The following NELL2 variants were observed in gnomAD, a reference collection of about 807,000 sequenced individuals.
NELL2 encodes neural EGFL like 2.
NELL2 carries 41 observed loss-of-function variants against 109.6 expected under a neutral mutation model. The ratio of observed to expected loss-of-function variants is 0.37; its 90% CI spans 0.29 to 0.49. The LOEUF (loss-of-function observed/expected upper bound fraction) is 0.49, where lower values mean the gene tolerates loss of function less well. Among genes scored for constraint, NELL2 ranks in the 20% least tolerant of loss-of-function variants. The pLI, the probability that NELL2 is intolerant of heterozygous loss-of-function variation, is 0.98. For synonymous variants in NELL2, 355 were observed against 344.7 expected, an observed-to-expected ratio of 1.03 and a Z score of -0.33; for missense variants, 900 against 1,008.3, an observed-to-expected ratio of 0.89 and a Z score of 1.45.
rs564428851 is a variant in NELL2 at position 44,797,987 on chromosome 12, T to A, written c.336-17965A>T. ...TTCCATCCTAGATGGAATAAAATCA[T>A]TCCATCCTAGATGGAATGATGGAAT... On this transcript the variant is annotated intron_variant, in intron 3 of 19. Coordinates refer to ENST00000429094, the MANE Select transcript of NELL2 (RefSeq NM_001145108.2). Among the ~76,000 whole-genome samples, 19 of 60,592 alleles carry A rather than the reference T, an allele frequency of 3.1e-4. 2 individuals carry two copies. The highest frequency in any genetic ancestry group is 7.2e-4 in the African/African-American group (18 of 24,964). The allele number at this position is 60,592 out of a possible 152,430, so 39.8% of individuals were successfully genotyped here.
At chr12:44,872,916 A>C (rs1262079956) in intron 2 of NELL2, among the ~76,000 whole-genome samples, 2 of 152,192 alleles carry the variant, frequency 1.3e-5, no homozygotes, top group Non-Finnish European at 2.9e-5. Context: ...TCTAAAGCCA[A>C]AGGAAATCTC....
intron 15 of NELL2, among the ~76,000 whole-genome samples, chr12:44,602,115 T>C (rs1413998229): frequency 6.6e-6 from 1 of 152,216 alleles, no homozygotes; most frequent in African/African-American, 2.4e-5. Flanking sequence ...TATTTGTTCA[T>C]TTTATAACAG....
chr12:44,865,363 C>T (rs1226644959), intron 2 of NELL2, among the ~76,000 whole-genome samples: 5 of 143,810 alleles, frequency 3.5e-5, no homozygotes, highest in Admixed American at 7.1e-5. Flanking sequence ...CACATGCACA[C>T]GTATGTTTAT....
chr12:44,864,751 C>G (rs967050542), intron 2 of NELL2, among the ~76,000 whole-genome samples: 2 of 152,192 alleles, frequency 1.3e-5, no homozygotes, highest in African/African-American at 4.8e-5. Context: ...TTTCATCCAA[C>G]AGCAGCAGCA....
chr12:44,724,554 T>C (rs999452989), intron 9 of NELL2, among the ~76,000 whole-genome samples: 1 of 151,648 alleles, frequency 6.6e-6, no homozygotes, highest in Non-Finnish European at 1.5e-5. Context: ...CCCAGGAAAG[T>C]GAAAGACCTC....
intron 19 of NELL2, among the ~76,000 whole-genome samples, chr12:44,513,191 A>T (rs939428024): frequency 2.0e-5 from 3 of 151,950 alleles, no homozygotes; most frequent in African/African-American, 4.8e-5. Flanking sequence ...AGATTAAGAG[A>T]TTCATGCTAA....
At chr12:44,692,810 G>A (rs2136398518) in intron 12 of NELL2, among the ~76,000 whole-genome samples, 1 of 152,246 alleles carries the variant, frequency 6.6e-6, no homozygotes, top group East Asian at 1.9e-4. Flanking sequence ...AGATGTGACT[G>A]AATTGCTGCA....
intron 15 of NELL2, 133 bp downstream of exon 15, chr12:44,607,036 C>T: frequency 1.5e-6 from 1 of 685,064 alleles, no homozygotes; most frequent in South Asian, 2.7e-5. Context: ...CACCTCCTCC[C>T]TCCTATCACT....
chr12:44,736,305 G>A (rs368487084), intron 9 of NELL2, among the ~76,000 whole-genome samples: 6 of 151,880 alleles, frequency 4.0e-5, no homozygotes, highest in South Asian at 2.1e-4. Flanking sequence ...CACCGCGCCC[G>A]GCCTTCTTTA....
chr12:44,655,198 G>A (rs1234588722), intron 13 of NELL2, among the ~76,000 whole-genome samples: 2 of 152,144 alleles, frequency 1.3e-5, no homozygotes, highest in African/African-American at 4.8e-5. Context: ...CTAATGAGGC[G>A]GCTCCCACCG....
intron 12 of NELL2, among the ~76,000 whole-genome samples, chr12:44,684,552 A>G (rs558228407): frequency 6.6e-6 from 1 of 152,022 alleles, no homozygotes; most frequent in Non-Finnish European, 1.5e-5. Flanking sequence ...CTTGTGGGCA[A>G]TTAGTGTTAT....
intron 3 of NELL2, among the ~76,000 whole-genome samples, chr12:44,793,029 C>G (rs1339686372): frequency 2.0e-5 from 3 of 152,130 alleles, no homozygotes; most frequent in Admixed American, 2.0e-4. Context: ...CTATGCCACT[C>G]TGCAAAAGAA....
chr12:44,805,823 G>C (rs117593373), intron 3 of NELL2, among the ~76,000 whole-genome samples: 1 of 151,716 alleles, frequency 6.6e-6, no homozygotes, highest in Non-Finnish European at 1.5e-5. Context: ...CCTCACTAGA[G>C]TAACACAAAC....
intron 2 of NELL2, among the ~76,000 whole-genome samples, chr12:44,818,868 G>A (rs1415595658): frequency 1.2e-4 from 18 of 148,552 alleles, no homozygotes; most frequent in Middle Eastern, 6.8e-3. Flanking sequence ...TCAGCCTCCC[G>A]AGTAGCTGGG....
chr12:44,748,981 C>A (rs1455165956), intron 9 of NELL2, among the ~76,000 whole-genome samples: 2 of 152,114 alleles, frequency 1.3e-5, no homozygotes, highest in East Asian at 3.8e-4. Context: ...CAAAATGACT[C>A]TGATACAGAG....
intron 13 of NELL2, among the ~76,000 whole-genome samples, chr12:44,617,679 G>A (rs1180644103): frequency 2.9e-5 from 1 of 34,240 alleles, no homozygotes; most frequent in African/African-American, 2.6e-4. Context: ...GCGACAGAGC[G>A]AGACTCCGTC....
At chr12:44,742,421 G>A (rs376042681) in intron 9 of NELL2, among the ~76,000 whole-genome samples, 167 of 152,324 alleles carry the variant, frequency 1.1e-3, no homozygotes, top group Middle Eastern at 3.4e-3. Flanking sequence ...CCAAAGGAAC[G>A]CAGCTCCTCA....
intron 1 of NELL2, among the ~76,000 whole-genome samples, chr12:44,904,589 C>T (rs1412618393): frequency 6.6e-6 from 1 of 152,068 alleles, no homozygotes; most frequent in East Asian, 1.9e-4. Flanking sequence ...AAAGGCCTTC[C>T]TCTTACCTCC....
chr12:44,568,723 A>T (rs2136192459), intron 15 of NELL2, among the ~76,000 whole-genome samples: 1 of 152,148 alleles, frequency 6.6e-6, no homozygotes, highest in Non-Finnish European at 1.5e-5. Context: ...TAGTATGTAT[A>T]TGTGTACATA....
Sources: gnomAD v4.1 joint callset for allele counts (sites outside exome capture counted in the v4.1 genomes callset) on GRCh38, gnomAD v4.1.1 for gene constraint, MANE v1.5 for transcripts, NCBI Gene and HGNC (gene_info 2026-07-23, HGNC 2026-07-21) for gene names.